Variants in WIPI1 observed in about 807,000 individuals in gnomAD.
WIPI1 encodes the protein WD repeat domain, phosphoinositide interacting 1.
A neutral mutation model predicts 55.3 loss-of-function variants in WIPI1; 45 were observed. The ratio of observed to expected loss-of-function variants is 0.81; its 90% confidence interval spans 0.64 to 1.04. WIPI1 has a LOEUF of 1.04. WIPI1 is among the 50% of genes least tolerant of loss of function. WIPI1 has a pLI of 0.00. For synonymous variants in WIPI1, 195 were observed against 217.6 expected, an observed-to-expected ratio of 0.90 and a Z score of 0.92; for missense variants, 445 against 559.0, an observed-to-expected ratio of 0.80 and a Z score of 2.06.
intron 10 of WIPI1, 90 bp downstream of exon 10, chr17:68,428,739 A>G: frequency 1.0e-6 from 1 of 972,804 alleles, no homozygotes; most frequent in South Asian, 1.4e-5. Context: ...AAATCAATGC[A>G]AGGGCACTGA....
At chr17:68,428,098 A>C (rs1440640976) in intron 10 of WIPI1, 1 of 152,108 alleles carries the variant, frequency 6.6e-6, no homozygotes, top group Non-Finnish European at 1.5e-5. Context: ...GGGTTTCACC[A>C]TGTTTCTCAG....
At position 68,434,600 on chromosome 17, in the gene WIPI1, G is replaced by A; in HGVS notation, c.648C>T (p.Val216=). ...ACTCATAGAGCTTTTGCCCATCAGG[G>A]ACAGAGAACACCCGGATGACTGTGC... ...EKGTVIRVFS[V]PDGQKLYEFR... Residue 216 remains valine, a synonymous_variant, in exon 7 of 13, where the codon GTC becomes GTT. Transcript: ENST00000262139. The A allele has an allele frequency of 6.2e-7, 1 of 1,614,070 alleles. No homozygotes were observed. Among genetic ancestry groups the A allele is most frequent in the Admixed American group, 1.7e-5 (1 of 60,024 alleles).
At chr17:68,430,710 C>A (rs923036900) in intron 8 of WIPI1, among the ~76,000 whole-genome samples, 3 of 152,184 alleles carry the variant, frequency 2.0e-5, no homozygotes, top group African/African-American at 7.2e-5. Flanking sequence ...TGGGATGTCG[C>A]CTACAGTCAT....
In WIPI1 at chr17:68,424,382, A is replaced by C. The variant is rs115390549; in HGVS notation, c.1293+1693T>G. The C allele has an allele frequency of 3.4e-3, 1,785 of 525,260 alleles. 28 individuals carry two copies. Among genetic ancestry groups the C allele is most frequent in the African/African-American group, 0.031 (1,620 of 51,920 alleles). 32.5% of individuals were successfully genotyped at this position (525,260 alleles called of 1,614,324 possible). ...ACCGCAGCTTTGTTTTCTAAGCCAA[A>C]TGTGCTCACTAGAGGGTTCCACGGA... On this transcript the variant is annotated intron_variant, in intron 12 of 12. Coordinates refer to ENST00000262139, the MANE Select transcript of WIPI1 (RefSeq NM_017983.7).
At chr17:68,441,408 A>C (rs1568642191) in intron 4 of WIPI1, among the ~76,000 whole-genome samples, 1 of 152,244 alleles carries the variant, frequency 6.6e-6, no homozygotes, top group African/African-American at 2.4e-5. Flanking sequence ...GCTGAAGACA[A>C]TTAGACGAGT....
At chr17:68,426,412 T>G (rs1332423016) in intron 11 of WIPI1, among the ~76,000 whole-genome samples, 3 of 152,212 alleles carry the variant, frequency 2.0e-5, no homozygotes, top group African/African-American at 7.2e-5. Flanking sequence ...GAATTTTTCT[T>G]TGTTGAGGTA....
chr17:68,442,529 C>A (rs968935630), intron 4 of WIPI1, among the ~76,000 whole-genome samples: 1 of 151,484 alleles, frequency 6.6e-6, no homozygotes, highest in Non-Finnish European at 1.5e-5. Context: ...CCTGAAGCAA[C>A]CCTGTCCTCT....
At chr17:68,434,205 T>A (rs2083672609) in intron 7 of WIPI1, among the ~76,000 whole-genome samples, 1 of 152,186 alleles carries the variant, frequency 6.6e-6, no homozygotes, top group African/African-American at 2.4e-5. Flanking sequence ...CTACATCCGA[T>A]AAGATCCCAA....
At position 68,430,025 on chromosome 17, in the gene WIPI1, G is replaced by A. The variant is rs746323757; in HGVS notation, c.936C>T (p.Ser312=). 4.3e-5 allele frequency: 69 copies of A among 1,614,050 alleles called. No individual in the cohort carries two copies. The highest frequency in any genetic ancestry group is 1.6e-4 in the Middle Eastern group (1 of 6,084). Residue 312 remains serine (S), a synonymous_variant, in exon 9 of 13, where the codon TCC becomes TCT. Transcript: ENST00000262139. The part of the protein sequence containing the change: ...RAFATARLNF[S]GQRNICTLST... ...AGAGGGTACAGATGTTCCTCTGTCC[G>A]GAGAAGTTCAAGCGTGCAGTGGCAA... is the stretch of plus-strand genomic sequence containing the variant.
At chr17:68,427,921 ACT>A (rs1220193808) in intron 10 of WIPI1, among the ~76,000 whole-genome samples, 1 of 151,282 alleles carries the variant, frequency 6.6e-6, no homozygotes, top group African/African-American at 2.4e-5. Flanking sequence ...ACAGGGTCTC[ACT>A]CTGTTGCCCA....
chr17:68,432,290 C>T (rs12940626), intron 8 of WIPI1, among the ~76,000 whole-genome samples: 44,069 of 152,014 alleles, frequency 0.29, 6,750 homozygotes, highest in Middle Eastern at 0.36. Flanking sequence ...GCTCAGGTGA[C>T]CTCAGGCAGC....
intron 4 of WIPI1, among the ~76,000 whole-genome samples, chr17:68,442,464 CA>C (rs1182675630): frequency 0.045 from 2,801 of 62,780 alleles, 68 homozygotes; most frequent in East Asian, 0.19. Context: ...GACTGTGTCT[CA>C]AAAAAAAAAA....
intron 9 of WIPI1, among the ~76,000 whole-genome samples, chr17:68,429,586 C>G (rs1328845798): frequency 6.6e-6 from 1 of 151,994 alleles, no homozygotes; most frequent in African/African-American, 2.4e-5. Flanking sequence ...TCCTTTGGGG[C>G]AAGTTTTCTT....
At chr17:68,442,562 G>GT (rs972906981) in intron 4 of WIPI1, among the ~76,000 whole-genome samples, 3 of 151,972 alleles carry the variant, frequency 2.0e-5, no homozygotes, top group African/African-American at 7.3e-5. Flanking sequence ...TGCAACAGGT[G>GT]TGAGGAGTAA....
At chr17:68,451,737 GCTGTGCTCC>G (rs2084508500) in intron 2 of WIPI1, among the ~76,000 whole-genome samples, 1 of 152,092 alleles carries the variant, frequency 6.6e-6, no homozygotes, top group African/African-American at 2.4e-5. Flanking sequence ...CCCCTATCTT[GCTGTGCTCC>G]CTGGATCTCT....
At chr17:68,449,656 G>T (rs1269398222) in intron 3 of WIPI1, among the ~76,000 whole-genome samples, 3 of 152,146 alleles carry the variant, frequency 2.0e-5, no homozygotes, top group Non-Finnish European at 2.9e-5. Context: ...CACGTAAGAC[G>T]CCTGCTCCCG....
chr17:68,445,729 T>G (rs184342102), intron 3 of WIPI1, among the ~76,000 whole-genome samples: 24 of 152,332 alleles, frequency 1.6e-4, no homozygotes, highest in African/African-American at 5.1e-4. Flanking sequence ...CATAGCCCAG[T>G]ACAAGGGCAG....
At chr17:68,453,463 CT>C (rs1301656712) in intron 1 of WIPI1, among the ~76,000 whole-genome samples, 1 of 149,884 alleles carries the variant, frequency 6.7e-6, no homozygotes, top group African/African-American at 2.5e-5. Flanking sequence ...AAGAAACATG[CT>C]TTGCTTTTCT....
chr17:68,448,943 C>T (rs1281551025), intron 3 of WIPI1, among the ~76,000 whole-genome samples: 12 of 152,188 alleles, frequency 7.9e-5, no homozygotes, highest in Non-Finnish European at 1.8e-4. Context: ...CTTAAAAGGT[C>T]CCACTTCTCT....
Sources: allele counts gnomAD v4.1 joint callset (sites outside exome capture counted in the v4.1 genomes callset), GRCh38; gene constraint gnomAD v4.1.1; transcripts MANE v1.5; gene names NCBI Gene and HGNC (gene_info 2026-07-23, HGNC 2026-07-21).